Variants in TDRD7 observed in about 807,000 individuals in gnomAD.
TDRD7 encodes the protein tudor domain-containing protein 7.
In TDRD7, 47 loss-of-function variants were observed where a neutral mutation model predicts 109.8. That is an observed-to-expected ratio of 0.43 (90% CI 0.34 to 0.55). TDRD7 has a LOEUF of 0.55. Ranked by LOEUF, TDRD7 falls within the 20% of genes least tolerant of loss-of-function variation. The pLI, the probability that TDRD7 is intolerant of heterozygous loss-of-function variation, is 0.03. For synonymous variants in TDRD7, 424 were observed against 457.3 expected (o/e 0.93, Z 0.93); for missense variants, 1,164 against 1,319.2 (o/e 0.88, Z 1.82).
chr9:97,432,495 T>C (rs776628000), intron 4 of TDRD7, among the ~76,000 whole-genome samples: 1 of 152,226 alleles, frequency 6.6e-6, no homozygotes, highest in Non-Finnish European at 1.5e-5. Flanking sequence ...TGTTTTGAGA[T>C]ACTGTTTCAG....
At chr9:97,452,284 CCATATCA>C (rs1394998924) in intron 6 of TDRD7, among the ~76,000 whole-genome samples, 1 of 152,190 alleles carries the variant, frequency 6.6e-6, no homozygotes, top group Non-Finnish European at 1.5e-5. Context: ...GGTATTTTTT[CCATATCA>C]CTAAATTTAT....
At chr9:97,489,018 T>C (rs1021797867) in intron 16 of TDRD7, among the ~76,000 whole-genome samples, 4 of 152,214 alleles carry the variant, frequency 2.6e-5, no homozygotes, top group Admixed American at 6.5e-5. Flanking sequence ...GGGAAAACAT[T>C]GTATTATTTT....
At position 97,482,902 on chromosome 9, in the gene TDRD7, T is replaced by C. The variant is rs775204251; in HGVS notation, c.2466T>C (p.Pro822=). 8.1e-6 allele frequency: 13 copies of C among 1,614,094 alleles called. No individual in the cohort carries two copies. Among genetic ancestry groups the C allele is most frequent in the Non-Finnish European group, 1.7e-6 (2 of 1,180,024 alleles). The change falls in exon 15 of 17, where the codon CCT becomes CCC. Residue 822 remains proline, a synonymous_variant. Transcript: ENST00000355295. ...RGIAHVYLFT[P]KNFPDPHRSI... is the part of the protein sequence containing the mutation. The stretch of plus-strand genomic sequence containing the variant: ...TCGCACATGTTTATTTATTTACCCC[T>C]AAGAACTTCCCTGACCCTCATCGCA...
chr9:97,462,304 T>C (rs1441483655), intron 7 of TDRD7, among the ~76,000 whole-genome samples: 1 of 152,212 alleles, frequency 6.6e-6, no homozygotes, highest in East Asian at 1.9e-4. Flanking sequence ...GATGATTATG[T>C]CCAGGGTCGT....
Position 97,446,502 on chromosome 9 carries a change from C to T in TDRD7, c.855+4627C>T, listed in dbSNP as rs184512055. ...AAACTGCCTAATTACACTAATTATTCATAGCTTCTACAAGGATGTTTTACT... is the reference window on the plus strand; with the variant it reads ...AAACTGCCTAATTACACTAATTATTTATAGCTTCTACAAGGATGTTTTACT... On this transcript the variant is annotated intron_variant, in intron 6 of 16. Transcript: ENST00000355295. 2.6e-4 allele frequency among the ~76,000 whole-genome samples: 40 copies of T among 152,286 alleles called. 1 individual carries two copies. Among genetic ancestry groups the T allele is most frequent in the African/African-American group, 9.1e-4 (38 of 41,556 alleles).
In TDRD7 at chr9:97,428,542, G is replaced by A. The variant is rs760124806; in HGVS notation, c.77G>A (p.Arg26Gln). ...QSHKNGVALP[R>Q]LQGEYRSLTG... ...CATAAGAATGGAGTAGCATTACCCC[G>A]GCTCCAAGGAGAGTACAGATCCTTG... The change falls in exon 2 of 17, where the codon CGG becomes CAG. Residue 26 changes from arginine to glutamine, a missense_variant. By Grantham distance (43) the Arg-to-Gln change is conservative. Around this residue, in one of 5 missense-constraint regions of TDRD7, gnomAD observed 101 missense variants for 148.5 expected, o/e 0.68. Coordinates refer to ENST00000355295, the MANE Select transcript of TDRD7 (RefSeq NM_014290.3). 1.9e-6 allele frequency: 3 copies of A among 1,614,042 alleles called. No individual in the cohort carries two copies. Among genetic ancestry groups the A allele is most frequent in the South Asian group, 1.1e-5 (1 of 91,088 alleles).
intron 6 of TDRD7, among the ~76,000 whole-genome samples, chr9:97,448,008 A>G (rs534517605): frequency 6.6e-6 from 1 of 152,232 alleles, no homozygotes; most frequent in South Asian, 2.1e-4. Context: ...TTGACCTTGA[A>G]GTACATGGAG....
Position 97,446,236 on chromosome 9 carries a change from T to TGTA in TDRD7, c.855+4361_855+4362insGTA, listed in dbSNP as rs1332449997. Among the ~76,000 whole-genome samples the TGTA allele has an allele frequency of 3.3e-5, 5 of 152,282 alleles. 1 individual carries two copies. The East Asian group carries it at 9.7e-4, about 29-fold the overall frequency. Reference sequence around the variant, plus strand: ...CTCTCCATTCTTACATTAGCCAGAATATCTGTCTCCCATGTCTTGCCTGAA... The same window carrying TGTA: ...CTCTCCATTCTTACATTAGCCAGAATGTAATCTGTCTCCCATGTCTTGCCTGAA... On this transcript the variant is annotated intron_variant, in intron 6 of 16. Coordinates refer to ENST00000355295, the MANE Select transcript of TDRD7 (RefSeq NM_014290.3).
At chr9:97,441,938 T>C (rs1828314190) in intron 6 of TDRD7, 63 bp downstream of exon 6, 3 of 1,345,758 alleles carry the variant, frequency 2.2e-6, no homozygotes, top group Non-Finnish European at 3.2e-6. Context: ...AGATCTTGAG[T>C]TATTAGTCAT....
chr9:97,455,240 C>T (rs775320006), intron 6 of TDRD7, among the ~76,000 whole-genome samples: 9 of 152,084 alleles, frequency 5.9e-5, no homozygotes, highest in Non-Finnish European at 1.2e-4. Context: ...TGAATTCTAC[C>T]AGAAATACAA....
intron 6 of TDRD7, among the ~76,000 whole-genome samples, chr9:97,455,196 C>A (rs558019072): frequency 7.2e-5 from 11 of 152,208 alleles, no homozygotes; most frequent in African/African-American, 2.4e-4. Flanking sequence ...AGCCTACCAA[C>A]CAAAAAAAGC....
chr9:97,467,146 C>G (rs2131157780), intron 8 of TDRD7, among the ~76,000 whole-genome samples: 1 of 152,272 alleles, frequency 6.6e-6, no homozygotes, highest in African/African-American at 2.4e-5. Flanking sequence ...ACTTCTGTTT[C>G]CTGGCCATTT....
At chr9:97,453,723 A>G (rs1828550045) in intron 6 of TDRD7, among the ~76,000 whole-genome samples, 1 of 152,204 alleles carries the variant, frequency 6.6e-6, no homozygotes, top group Non-Finnish European at 1.5e-5. Context: ...TGGAAAGCAA[A>G]AAAATAAAAA....
chr9:97,449,885 G>T (rs1411003522), intron 6 of TDRD7, among the ~76,000 whole-genome samples: 1 of 152,178 alleles, frequency 6.6e-6, no homozygotes, highest in East Asian at 1.9e-4. Flanking sequence ...AACTGGGAAG[G>T]AAGACCAAAT....
chr9:97,493,853 G>T lies in TDRD7; in HGVS notation c.3077-1810G>T, dbSNP rs558825173. Among the ~76,000 whole-genome samples, 9 of 152,304 alleles carry T rather than the reference G, an allele frequency of 5.9e-5. No individual in the cohort carries two copies. In the East Asian group the frequency reaches 1.5e-3, roughly 26 times the overall value. ...TTTGCTTTTGAAAGAAGAGAAATAT[G>T]GCTCTGTTCCGCCCGGCTTACTGGC... On this transcript the variant is annotated intron_variant, in intron 16 of 16. Coordinates refer to ENST00000355295, the MANE Select transcript of TDRD7 (RefSeq NM_014290.3).
intron 8 of TDRD7, among the ~76,000 whole-genome samples, chr9:97,466,979 T>TAAGA (rs1387597154): frequency 6.6e-6 from 1 of 152,166 alleles, no homozygotes; most frequent in African/African-American, 2.4e-5. Flanking sequence ...TGGAAGAAGC[T>TAAGA]AAGGACCACA....
At chr9:97,440,818 C>T (rs972207496) in intron 5 of TDRD7, among the ~76,000 whole-genome samples, 1 of 152,166 alleles carries the variant, frequency 6.6e-6, no homozygotes, top group African/African-American at 2.4e-5. Context: ...ATCTGTATCT[C>T]AGTGAAATTT....
intron 12 of TDRD7, among the ~76,000 whole-genome samples, chr9:97,477,515 CT>C (rs1341938673): frequency 6.6e-6 from 1 of 151,818 alleles, no homozygotes; most frequent in Non-Finnish European, 1.5e-5. Context: ...AGAAAGAAGC[CT>C]TCTTAGTGTA....
chr9:97,429,126 CA>C (rs1484398451), intron 2 of TDRD7, among the ~76,000 whole-genome samples: 1 of 152,210 alleles, frequency 6.6e-6, no homozygotes, highest in Non-Finnish European at 1.5e-5. Flanking sequence ...CATCACTTTT[CA>C]TAACTACCGG....
Sources: gnomAD v4.1 joint callset for allele counts (sites outside exome capture counted in the v4.1 genomes callset) on GRCh38, gnomAD v4.1.1 for gene constraint, gnomAD v4.1.1 regional missense constraint, MANE v1.5 for transcripts, NCBI Gene and HGNC (gene_info 2026-07-23, HGNC 2026-07-21) for gene names.